The following PITPNC1 variants were observed in gnomAD, a reference collection of about 807,000 sequenced individuals.
PITPNC1 encodes cytoplasmic phosphatidylinositol transfer protein 1.
Under a neutral mutation model 44.7 loss-of-function variants are expected in PITPNC1, and 18 were observed. The observed-to-expected ratio is 0.40, with a 90% confidence interval of 0.28 to 0.60. The LOEUF is 0.60. Ranked by LOEUF, PITPNC1 falls within the 20% of genes least tolerant of loss-of-function variation. The pLI, the probability that PITPNC1 is intolerant of heterozygous loss-of-function variation, is 0.39. For synonymous variants in PITPNC1, 141 were observed against 149.6 expected (o/e 0.94, Z 0.42); for missense variants, 290 against 418.4 (o/e 0.69, Z 2.68).
At chr17:67,498,233 G>A (rs2039981864) in intron 1 of PITPNC1, among the ~76,000 whole-genome samples, 1 of 152,030 alleles carries the variant, frequency 6.6e-6, no homozygotes, top group African/African-American at 2.4e-5. Context: ...CATATCTCTT[G>A]CTTATTATTT....
At chr17:67,690,241 A>T (rs577990417) in intron 8 of PITPNC1, among the ~76,000 whole-genome samples, 1 of 152,226 alleles carries the variant, frequency 6.6e-6, no homozygotes, top group South Asian at 2.1e-4. Flanking sequence ...TGAGGTCAGG[A>T]GTTCGAGACC....
At chr17:67,488,414 T>A (rs2039814272) in intron 1 of PITPNC1, among the ~76,000 whole-genome samples, 1 of 152,002 alleles carries the variant, frequency 6.6e-6, no homozygotes, top group Admixed American at 6.6e-5. Context: ...ACTCTTGGAG[T>A]CAGTCAATCC....
At chr17:67,462,400 T>C (rs376183804) in intron 1 of PITPNC1, among the ~76,000 whole-genome samples, 1 of 151,726 alleles carries the variant, frequency 6.6e-6, no homozygotes, top group Admixed American at 6.6e-5. Context: ...TCCAGCTAAT[T>C]GTTGTATTTT....
intron 5 of PITPNC1, among the ~76,000 whole-genome samples, chr17:67,602,911 A>ATT (rs35100800): frequency 4.0e-5 from 6 of 148,824 alleles, no homozygotes; most frequent in African/African-American, 9.8e-5. Context: ...TAATTTTGAT[A>ATT]TTTTTTTTTT....
intron 1 of PITPNC1, among the ~76,000 whole-genome samples, chr17:67,425,193 G>GCGCGCACACACACA (rs1160522771): frequency 5.8e-5 from 3 of 52,118 alleles, no homozygotes; most frequent in African/African-American, 2.0e-4. Flanking sequence ...TTGTGCGCGC[G>GCGCGCACACACACA]CACGCACACG....
chr17:67,440,690 G>A (rs761173241), intron 1 of PITPNC1, among the ~76,000 whole-genome samples: 1 of 151,422 alleles, frequency 6.6e-6, no homozygotes, highest in African/African-American at 2.4e-5. Context: ...GCACCGTCAT[G>A]CCTGGCTGAT....
At chr17:67,431,012 A>G (rs2038848115) in intron 1 of PITPNC1, among the ~76,000 whole-genome samples, 2 of 149,938 alleles carry the variant, frequency 1.3e-5, no homozygotes, top group South Asian at 4.2e-4. Context: ...ATGTGTTTCC[A>G]TTTTATGATG....
intron 1 of PITPNC1, among the ~76,000 whole-genome samples, chr17:67,396,810 A>G (rs2038226824): frequency 6.6e-6 from 1 of 151,588 alleles, no homozygotes; most frequent in Non-Finnish European, 1.5e-5. Flanking sequence ...GTGTGCCACT[A>G]CACTGGGCTA....
intron 6 of PITPNC1, among the ~76,000 whole-genome samples, chr17:67,654,694 G>A (rs1598937964): frequency 6.6e-6 from 1 of 152,134 alleles, no homozygotes; most frequent in African/African-American, 2.4e-5. Flanking sequence ...GTGCAGTGGT[G>A]CAATCTTGGC....
chr17:67,424,477 T>G (rs1264264346), intron 1 of PITPNC1, among the ~76,000 whole-genome samples: 6 of 151,986 alleles, frequency 3.9e-5, no homozygotes, highest in Admixed American at 3.9e-4. Flanking sequence ...GCCAACATGG[T>G]GAAACCTTGT....
intron 6 of PITPNC1, among the ~76,000 whole-genome samples, chr17:67,660,522 A>AT (rs755898155): frequency 1.7e-4 from 23 of 132,540 alleles, no homozygotes; most frequent in Non-Finnish European, 2.6e-4. Flanking sequence ...ATTTTATTTT[A>AT]TTTATTTATT....
chr17:67,400,274 C>G (rs2038287784), intron 1 of PITPNC1, among the ~76,000 whole-genome samples: 1 of 152,196 alleles, frequency 6.6e-6, no homozygotes. Context: ...AGTTTATTTC[C>G]AGCCCTGCAG....
intron 5 of PITPNC1, among the ~76,000 whole-genome samples, chr17:67,599,154 G>A (rs1568059580): frequency 6.7e-6 from 1 of 149,776 alleles, no homozygotes; most frequent in Admixed American, 6.7e-5. Flanking sequence ...CACTGTGCCT[G>A]GCTAAGAAAT....
chr17:67,405,402 G>T (rs1249277629), intron 1 of PITPNC1, among the ~76,000 whole-genome samples: 1 of 150,570 alleles, frequency 6.6e-6, no homozygotes, highest in Non-Finnish European at 1.5e-5. Flanking sequence ...GGGTGATAGA[G>T]CAAGACCCTG....
intron 1 of PITPNC1, among the ~76,000 whole-genome samples, chr17:67,409,189 A>G (rs2038453616): frequency 7.0e-6 from 1 of 143,428 alleles, no homozygotes; most frequent in African/African-American, 2.6e-5. Flanking sequence ...GGTTCACGCC[A>G]TTCTCCTGCC....
In PITPNC1 at chr17:67,377,994, G is replaced by C. The variant is rs1459085701; in HGVS notation, c.-161G>C. The C allele has an allele frequency of 4.4e-6, 2 of 451,504 alleles. No homozygotes were observed. Among genetic ancestry groups the C allele is most frequent in the Non-Finnish European group, 7.7e-6 (2 of 259,850 alleles). The allele number at this position is 451,504 out of a possible 1,614,324, so 28.0% of individuals were successfully genotyped here. A position where few individuals can be genotyped will look rare whatever the true frequency, so the allele number is the denominator to read the frequency against. ...CCAAACCCTGACATGCTCTGGGGCG[G>C]AGAGGAGGAAGCCAGGAGCTGAGCG... On this transcript the variant is annotated 5_prime_UTR_variant, in exon 1 of 9. Transcript: ENST00000581322.
At chr17:67,649,166 T>C (rs1205019729) in intron 6 of PITPNC1, among the ~76,000 whole-genome samples, 2 of 151,992 alleles carry the variant, frequency 1.3e-5, no homozygotes, top group African/African-American at 2.4e-5. Flanking sequence ...ACACAAAAAA[T>C]AGTTGACTGT....
intron 1 of PITPNC1, among the ~76,000 whole-genome samples, chr17:67,448,956 G>A (rs899535273): frequency 1.3e-5 from 2 of 152,072 alleles, no homozygotes; most frequent in Non-Finnish European, 2.9e-5. Context: ...TAATAGAGAC[G>A]GGGTTTTGCC....
chr17:67,501,663 C>G (rs1316286433), intron 1 of PITPNC1, among the ~76,000 whole-genome samples: 1 of 152,060 alleles, frequency 6.6e-6, no homozygotes, highest in Admixed American at 6.5e-5. Context: ...GAAATCCTGT[C>G]TCTACTAAAA....
Sources: gnomAD v4.1 joint callset for allele counts (sites outside exome capture counted in the v4.1 genomes callset) on GRCh38, gnomAD v4.1.1 for gene constraint, MANE v1.5 for transcripts, NCBI Gene and HGNC (gene_info 2026-07-23, HGNC 2026-07-21) for gene names.